The following PCGF6 variants were observed in gnomAD, a reference collection of about 807,000 sequenced individuals.
The protein encoded by PCGF6 is polycomb group ring finger 6.
PCGF6 carries 24 observed loss-of-function variants against 45.5 expected under a neutral mutation model. That is an observed-to-expected ratio of 0.53 (90% confidence interval 0.38 to 0.74). The LOEUF is 0.74. Among genes scored for constraint, PCGF6 ranks in the 30% least tolerant of loss-of-function variants. The pLI is 0.00. For missense variants in PCGF6, 356 were observed against 443.2 expected (o/e 0.80, Z 1.77); for synonymous variants, 152 against 162.1 (o/e 0.94, Z 0.47).
chr10:103,349,709 G>C (rs1345433369), intron 1 of PCGF6, among the ~76,000 whole-genome samples: 1 of 150,320 alleles, frequency 6.7e-6, no homozygotes, highest in Admixed American at 6.6e-5. Flanking sequence ...TCCTGACCTC[G>C]TGTTTCGCCT....
chr10:103,306,325 C>T (rs1246324885), intron 9 of PCGF6, among the ~76,000 whole-genome samples: 4 of 152,008 alleles, frequency 2.6e-5, no homozygotes, highest in East Asian at 1.9e-4. Flanking sequence ...CTTGAACTCG[C>T]GACCTCAGGT....
chr10:103,347,174 G>C, intron 5 of PCGF6, 64 bp downstream of exon 5: 1 of 1,280,678 alleles, frequency 7.8e-7, no homozygotes, highest in Non-Finnish European at 1.1e-6. Flanking sequence ...ACTTCAAAGG[G>C]CATATATTTT....
At chr10:103,345,619 G>A (rs1308295826) in intron 5 of PCGF6, among the ~76,000 whole-genome samples, 1 of 151,984 alleles carries the variant, frequency 6.6e-6, no homozygotes. Flanking sequence ...CCTGAGGTCA[G>A]GAGTTCGAGA....
At chr10:103,335,170 C>T (rs2093252156) in intron 6 of PCGF6, among the ~76,000 whole-genome samples, 1 of 150,570 alleles carries the variant, frequency 6.6e-6, no homozygotes, top group African/African-American at 2.4e-5. Flanking sequence ...CCTTAGCCTA[C>T]CTGAGCAGCT....
intron 8 of PCGF6, among the ~76,000 whole-genome samples, chr10:103,326,095 T>C (rs1242635241): frequency 1.3e-5 from 2 of 152,082 alleles, no homozygotes; most frequent in Non-Finnish European, 2.9e-5. Flanking sequence ...TATGTATCAA[T>C]ATTCAATTAG....
Position 103,348,935 on chromosome 10 carries a change from A to G in PCGF6, c.425T>C (p.Ile142Thr). The G allele has an allele frequency of 1.9e-6, 3 of 1,613,720 alleles. No individual in the cohort carries two copies. Among genetic ancestry groups the G allele is most frequent in the Non-Finnish European group, 1.7e-6 (2 of 1,179,598 alleles). Residue 142 changes from isoleucine (I) to threonine (T), a missense_variant, in exon 2 of 10, where the codon ATA (isoleucine) becomes ACA (threonine). Physicochemically the swap from Ile to Thr is moderately conservative, Grantham distance 89. Transcript: ENST00000369847. Reference sequence around the variant, plus strand: ...ACATTCTGTGATGGTAGTTGCATCTATTAAGTAACCTTTGCAAATGGAACA... The same window carrying G: ...ACATTCTGTGATGGTAGTTGCATCTGTTAAGTAACCTTTGCAAATGGAACA... ...ILCSICKGYL[I>T]DATTITECLH... is the part of the protein sequence containing the mutation.
intron 6 of PCGF6, among the ~76,000 whole-genome samples, chr10:103,339,866 CA>C (rs1564733321): frequency 9.7e-6 from 1 of 102,820 alleles, no homozygotes; most frequent in East Asian, 3.2e-4. Context: ...CACACACACA[CA>C]AAAGCATCTT....
At chr10:103,319,172 T>C (rs1005173677) in intron 8 of PCGF6, among the ~76,000 whole-genome samples, 3 of 152,200 alleles carry the variant, frequency 2.0e-5, no homozygotes, top group Non-Finnish European at 4.4e-5. Context: ...CTTTTCGAGA[T>C]GGAGTCTCAC....
intron 9 of PCGF6, among the ~76,000 whole-genome samples, chr10:103,310,656 G>A (rs764879760): frequency 7.3e-5 from 11 of 151,698 alleles, no homozygotes; most frequent in Non-Finnish European, 1.2e-4. Flanking sequence ...GTTCCATTGA[G>A]ACAAAGGAAC....
chr10:103,309,756 C>G (rs1051214990), intron 9 of PCGF6, among the ~76,000 whole-genome samples: 1 of 151,848 alleles, frequency 6.6e-6, no homozygotes, highest in African/African-American at 2.4e-5. Flanking sequence ...ATGGCAAAAC[C>G]CCATCTCTAC....
intron 6 of PCGF6, 23 bp from the exon 7 acceptor site, chr10:103,333,975 A>G: frequency 1.4e-6 from 2 of 1,480,162 alleles, no homozygotes; most frequent in South Asian, 1.3e-5. Context: ...AGCAAAATTA[A>G]TCAATATTTA....
intron 6 of PCGF6, among the ~76,000 whole-genome samples, chr10:103,342,586 C>T (rs779026015): frequency 1.1e-4 from 17 of 152,076 alleles, no homozygotes; most frequent in Non-Finnish European, 2.4e-4. Context: ...AAAAAGTATA[C>T]GTGTACTTGC....
chr10:103,350,587 C>T (rs375871260), intron 1 of PCGF6, 120 bp downstream of exon 1: 500 of 1,047,294 alleles, frequency 4.8e-4, no homozygotes, highest in Non-Finnish European at 6.0e-4. Flanking sequence ...GGGGGAGGTC[C>T]GCTCCAGTGC....
rs183669364 is a variant in PCGF6 at position 103,328,967 on chromosome 10, G to A, written c.811-2335C>T. 9.0e-4 allele frequency among the ~76,000 whole-genome samples: 137 copies of A among 151,966 alleles called. 1 individual carries two copies. The highest frequency in any genetic ancestry group is 6.0e-3 in the East Asian group (31 of 5,178). ...TCACTGTGTTAGCCAGGATGGTCTC[G>A]ATCTCCTGACCTCATGATCTACCGG... is the stretch of plus-strand genomic sequence containing the variant. On this transcript the variant is annotated intron_variant, in intron 7 of 9. Coordinates refer to ENST00000369847, the MANE Select transcript of PCGF6 (RefSeq NM_001011663.2).
chr10:103,334,495 C>A (rs2093249918), intron 6 of PCGF6, among the ~76,000 whole-genome samples: 1 of 152,066 alleles, frequency 6.6e-6, no homozygotes, highest in Admixed American at 6.6e-5. Flanking sequence ...TCCCCCTCAC[C>A]CCACATTTAG....
chr10:103,337,656 G>A (rs1215212422), intron 6 of PCGF6, among the ~76,000 whole-genome samples: 4 of 152,084 alleles, frequency 2.6e-5, no homozygotes, highest in African/African-American at 9.7e-5. Context: ...AGCTGGGCAC[G>A]GTGGCTCACG....
rs369725793 is a variant in PCGF6 at position 103,343,983 on chromosome 10, G to A, written c.782+1041C>T. Among the ~76,000 whole-genome samples, 38 of 151,856 alleles carry A rather than the reference G, an allele frequency of 2.5e-4. 3 individuals carry two copies. The highest frequency in any genetic ancestry group is 1.6e-3 in the Admixed American group (24 of 15,218). On this transcript the variant is annotated intron_variant, in intron 6 of 9. Coordinates refer to ENST00000369847, the MANE Select transcript of PCGF6 (RefSeq NM_001011663.2). ...AGGAGATACATATGAATTTGTTTACGGCAACATTGTTTAAAACAGCAACAA... is the reference window on the plus strand; with the variant it reads ...AGGAGATACATATGAATTTGTTTACAGCAACATTGTTTAAAACAGCAACAA...
chr10:103,326,367 C>T (rs543953494), intron 8 of PCGF6, among the ~76,000 whole-genome samples, 167 bp downstream of exon 8: 148 of 139,324 alleles, frequency 1.1e-3, no homozygotes, highest in African/African-American at 3.5e-3. Flanking sequence ...CCAGCCTGGG[C>T]GACAGAGCAA....
Position 103,326,636 on chromosome 10 carries a change from CA to C in PCGF6, c.811-5del. 6.2e-7 allele frequency: 1 copy of C among 1,604,258 alleles called. No homozygotes were observed. The highest frequency in any genetic ancestry group is 1.1e-5 in the South Asian group (1 of 89,596). Reference sequence around the variant, plus strand: ...GAACAAACTTCTTTTCCAATGGCTACAAAAACAGACAGATAAAACTATTTTT... The same window carrying C: ...GAACAAACTTCTTTTCCAATGGCTACAAAACAGACAGATAAAACTATTTTT... On this transcript the variant is annotated splice_polypyrimidine_tract_variant and splice_region_variant and intron_variant, in intron 7 of 9. Transcript: ENST00000369847.
Sources: allele counts gnomAD v4.1 joint callset (sites outside exome capture counted in the v4.1 genomes callset), GRCh38; gene constraint gnomAD v4.1.1; transcripts MANE v1.5; gene names NCBI Gene and HGNC (gene_info 2026-07-23, HGNC 2026-07-21).